DPP10: variants seen among roughly 807,000 people sequenced by gnomAD.
DPP10 encodes inactive dipeptidyl peptidase 10.
DPP10 carries 33 observed loss-of-function variants against 120.9 expected under a neutral mutation model. The ratio of observed to expected loss-of-function variants is 0.27; its 90% confidence interval spans 0.21 to 0.37. The LOEUF (loss-of-function observed/expected upper bound fraction) is 0.37, where lower values mean the gene tolerates loss of function less well. Among genes scored for constraint, DPP10 ranks in the 10% least tolerant of loss-of-function variants. DPP10 has a pLI of 1.00. For synonymous variants in DPP10, 337 were observed against 326.1 expected (o/e 1.03, Z -0.36); for missense variants, 816 against 942.8 (o/e 0.87, Z 1.76).
intron 5 of DPP10, among the ~76,000 whole-genome samples, chr2:115,632,647 T>C (rs1178025250): frequency 6.6e-6 from 1 of 152,180 alleles, no homozygotes; most frequent in African/African-American, 2.4e-5. Flanking sequence ...ATTCTTTTCT[T>C]TAAGAATGGG....
At chr2:115,768,102 A>G (rs1249235117) in intron 12 of DPP10, among the ~76,000 whole-genome samples, 195 bp from the exon 13 acceptor site, 1 of 152,180 alleles carries the variant, frequency 6.6e-6, no homozygotes, top group Non-Finnish European at 1.5e-5. Context: ...TCAACCACAT[A>G]CATATGTAAT....
At chr2:114,953,543 T>C (rs1042272027) in intron 1 of DPP10, among the ~76,000 whole-genome samples, 15 of 152,078 alleles carry the variant, frequency 9.9e-5, no homozygotes, top group African/African-American at 2.9e-4. Flanking sequence ...TGATTATTTA[T>C]TAAGGTTGTA....
chr2:115,497,099 C>T (rs193144932), intron 3 of DPP10, among the ~76,000 whole-genome samples: 68 of 151,930 alleles, frequency 4.5e-4, no homozygotes, highest in African/African-American at 1.4e-3. Context: ...TATATATAGG[C>T]GAGTCACAAA....
At chr2:114,591,621 C>A (rs567280038) in intron 1 of DPP10, among the ~76,000 whole-genome samples, 2 of 143,142 alleles carry the variant, frequency 1.4e-5, no homozygotes, top group Admixed American at 1.5e-4. Flanking sequence ...GTGGTGCAAT[C>A]TTGGCTCACT....
intron 1 of DPP10, among the ~76,000 whole-genome samples, chr2:114,988,315 C>G (rs1028875696): frequency 1.3e-5 from 2 of 152,312 alleles, no homozygotes; most frequent in Admixed American, 6.5e-5. Context: ...AAGGTCCACA[C>G]CTATGTGGTA....
chr2:114,972,797 G>C (rs78761826), intron 1 of DPP10, among the ~76,000 whole-genome samples: 1 of 152,174 alleles, frequency 6.6e-6, no homozygotes, highest in African/African-American at 2.4e-5. Context: ...TAGTGACTGC[G>C]ACTGGGGAAA....
intron 8 of DPP10, among the ~76,000 whole-genome samples, chr2:115,736,863 T>C (rs1283008069): frequency 1.1e-4 from 16 of 152,080 alleles, no homozygotes; most frequent in Admixed American, 8.5e-4. Flanking sequence ...GATTCACTTG[T>C]TTTTCCTAAA....
chr2:115,165,801 T>C (rs558560601), intron 1 of DPP10, among the ~76,000 whole-genome samples: 1 of 151,970 alleles, frequency 6.6e-6, no homozygotes, highest in African/African-American at 2.4e-5. Flanking sequence ...AAAACAAAAA[T>C]AACCACACAA....
chr2:114,788,583 T>C (rs576767854), intron 1 of DPP10, among the ~76,000 whole-genome samples: 1 of 151,600 alleles, frequency 6.6e-6, no homozygotes, highest in South Asian at 2.1e-4. Context: ...GCCCGGCTAA[T>C]TTTTTTTGTA....
chr2:114,586,391 A>T (rs1690982686), intron 1 of DPP10, among the ~76,000 whole-genome samples: 1 of 152,226 alleles, frequency 6.6e-6, no homozygotes, highest in South Asian at 2.1e-4. Context: ...AGTGGGGTTC[A>T]GCATCCCTGC....
At chr2:114,495,574 G>A (rs1682441369) in intron 1 of DPP10, among the ~76,000 whole-genome samples, 1 of 152,150 alleles carries the variant, frequency 6.6e-6, no homozygotes, top group Non-Finnish European at 1.5e-5. Flanking sequence ...ATCACAAGTT[G>A]ATAACTAAGA....
chr2:114,765,451 C>A (rs1456396066), intron 1 of DPP10, among the ~76,000 whole-genome samples: 2 of 152,164 alleles, frequency 1.3e-5, no homozygotes, highest in South Asian at 4.1e-4. Flanking sequence ...ATTATGTGAA[C>A]AAAGAGGCAC....
intron 2 of DPP10, among the ~76,000 whole-genome samples, chr2:115,333,506 G>T (rs2106187885): frequency 6.6e-6 from 1 of 152,090 alleles, no homozygotes; most frequent in East Asian, 1.9e-4. Flanking sequence ...TTGATGCAGT[G>T]TCTTCCTAGC....
At chr2:114,961,792 A>G (rs182299371) in intron 1 of DPP10, among the ~76,000 whole-genome samples, 17 of 152,214 alleles carry the variant, frequency 1.1e-4, no homozygotes, top group Middle Eastern at 3.4e-3. Context: ...TGTCTGGACT[A>G]AAAATACAAA....
chr2:114,682,802 A>G (rs1469378809), intron 1 of DPP10, among the ~76,000 whole-genome samples: 2 of 151,612 alleles, frequency 1.3e-5, no homozygotes, highest in Non-Finnish European at 2.9e-5. Flanking sequence ...CTATCTATCT[A>G]TCTATCTATC....
At chr2:115,294,280 T>C (rs1404034144) in intron 1 of DPP10, among the ~76,000 whole-genome samples, 1 of 152,138 alleles carries the variant, frequency 6.6e-6, no homozygotes, top group Non-Finnish European at 1.5e-5. Context: ...GAGGGAAATA[T>C]GCTTCTGCTT....
At chr2:115,793,845 CA>C (rs1183969178) in intron 19 of DPP10, among the ~76,000 whole-genome samples, 4 of 151,608 alleles carry the variant, frequency 2.6e-5, no homozygotes, top group African/African-American at 9.7e-5. Flanking sequence ...TTACAAAATC[CA>C]AAAGGAGAAT....
chr2:115,164,919 A>G (rs2052715343), intron 1 of DPP10, among the ~76,000 whole-genome samples: 1 of 152,210 alleles, frequency 6.6e-6, no homozygotes, highest in Non-Finnish European at 1.5e-5. Context: ...AAATATTTTT[A>G]TCATCTTAGT....
At chr2:114,948,912 G>A (rs559443223) in intron 1 of DPP10, among the ~76,000 whole-genome samples, 1 of 151,890 alleles carries the variant, frequency 6.6e-6, no homozygotes, top group African/African-American at 2.4e-5. Context: ...ACCAACAAAG[G>A]GGGTAGTGAG....
Sources: gnomAD v4.1 joint callset for allele counts (sites outside exome capture counted in the v4.1 genomes callset) on GRCh38, gnomAD v4.1.1 for gene constraint, MANE v1.5 for transcripts, NCBI Gene and HGNC (gene_info 2026-07-23, HGNC 2026-07-21) for gene names.